Variants in SCAF4 observed in about 807,000 individuals in gnomAD.
The protein encoded by SCAF4 is SR-related CTD associated factor 4, also known as SR-related and CTD-associated factor 4.
SCAF4 carries 25 observed loss-of-function variants against 129.8 expected under a neutral mutation model. The observed-to-expected ratio is 0.19, with a 90% CI of 0.14 to 0.27. The LOEUF (loss-of-function observed/expected upper bound fraction) is 0.27, where lower values mean the gene tolerates loss of function less well. Ranked by LOEUF, SCAF4 falls within the 10% of genes least tolerant of loss-of-function variation. The pLI, the probability that SCAF4 is intolerant of heterozygous loss-of-function variation, is 1.00. For missense variants in SCAF4, 1,246 were observed against 1,457.1 expected (o/e 0.86, Z 2.36); for synonymous variants, 551 against 497.7 (o/e 1.11, Z -1.43).
intron 15 of SCAF4, among the ~76,000 whole-genome samples, chr21:31,689,611 T>C (rs1302412378): frequency 6.7e-6 from 1 of 150,066 alleles, no homozygotes; most frequent in Non-Finnish European, 1.5e-5. Flanking sequence ...TGCCTGGCCT[T>C]GAAGCTTCCT....
chr21:31,692,695 A>G (rs981011035), intron 12 of SCAF4, among the ~76,000 whole-genome samples: 7 of 152,232 alleles, frequency 4.6e-5, no homozygotes, highest in African/African-American at 1.4e-4. Flanking sequence ...AGATGGATCT[A>G]AAGATTACAT....
chr21:31,718,276 A>C (rs987144969), intron 1 of SCAF4, among the ~76,000 whole-genome samples: 4 of 152,032 alleles, frequency 2.6e-5, no homozygotes, highest in Non-Finnish European at 5.9e-5. Flanking sequence ...TTCATTAAAG[A>C]AAGTGTCCCT....
Position 31,671,135 on chromosome 21 carries a change from C to G in SCAF4, c.*264G>C. ...AAAAAAAAAAAAAAAATAGAGAGCA[C>G]TTCTAATTACGATTTGTAAACTTTT... On this transcript the variant is annotated 3_prime_UTR_variant, in exon 20 of 20. Coordinates refer to ENST00000286835, the MANE Select transcript of SCAF4 (RefSeq NM_020706.2). 1 of 315,300 alleles carries G rather than the reference C, an allele frequency of 3.2e-6. No homozygotes were observed. Among genetic ancestry groups the G allele is most frequent in the Non-Finnish European group, 5.7e-6 (1 of 175,404 alleles). 19.5% of individuals were successfully genotyped at this position (315,300 alleles called of 1,614,324 possible). A position where few individuals can be genotyped will look rare whatever the true frequency, so the allele number is the denominator to read the frequency against.
At chr21:31,685,373 AAC>A in intron 18 of SCAF4, 23 bp downstream of exon 18, 1 of 1,589,990 alleles carries the variant, frequency 6.3e-7, no homozygotes, top group Non-Finnish European at 8.6e-7. Context: ...AGGATAAGCA[AAC>A]ACAAAGAAAA....
intron 16 of SCAF4, among the ~76,000 whole-genome samples, chr21:31,686,537 GAGTTAA>G (rs2050130144): frequency 2.6e-5 from 4 of 151,960 alleles, no homozygotes; most frequent in Non-Finnish European, 5.9e-5. Flanking sequence ...CAGATTAAAT[GAGTTAA>G]TACATACTAA....
intron 16 of SCAF4, among the ~76,000 whole-genome samples, chr21:31,687,404 C>T (rs1196548083): frequency 6.6e-6 from 1 of 151,998 alleles, no homozygotes; most frequent in Admixed American, 6.6e-5. Context: ...AAATAGGAAA[C>T]TGAAGCTTAT....
intron 7 of SCAF4, among the ~76,000 whole-genome samples, chr21:31,698,257 T>C (rs1214911066): frequency 3.9e-5 from 6 of 152,218 alleles, no homozygotes; most frequent in African/African-American, 1.4e-4. Flanking sequence ...AGACAAATTA[T>C]TTCCAGTGAG....
In SCAF4 at chr21:31,717,944, CACATAT is replaced by C. The variant is rs1338698300; in HGVS notation, c.31-11593_31-11588del. On this transcript the variant is annotated intron_variant, in intron 1 of 19. Transcript: ENST00000286835. Reference sequence around the variant, plus strand: ...ACACACACACACACACACACACACACACATATATATTTTTTTGAGATGGAGTTTCAC... The same window carrying C: ...ACACACACACACACACACACACACACATATTTTTTTGAGATGGAGTTTCAC... Among the ~76,000 whole-genome samples the C allele has an allele frequency of 1.0e-3, 125 of 125,288 alleles. 2 individuals are homozygous for C. The highest frequency in any genetic ancestry group is 8.3e-3 in the Middle Eastern group (2 of 240). The allele number at this position is 125,288 out of a possible 152,430, so 82.2% of individuals were successfully genotyped here. A position where few individuals can be genotyped will look rare whatever the true frequency, so the allele number is the denominator to read the frequency against.
chr21:31,674,936 G>A (rs1046928845), intron 19 of SCAF4, among the ~76,000 whole-genome samples: 2 of 152,196 alleles, frequency 1.3e-5, no homozygotes, highest in Non-Finnish European at 2.9e-5. Context: ...AGCTAGCATG[G>A]TGGTATAGAG....
At chr21:31,696,980 G>T (rs1329868636) in intron 7 of SCAF4, among the ~76,000 whole-genome samples, 3 of 152,078 alleles carry the variant, frequency 2.0e-5, no homozygotes, top group African/African-American at 7.2e-5. Context: ...TTCCTCAATT[G>T]TAAGTACAGT....
intron 1 of SCAF4, among the ~76,000 whole-genome samples, chr21:31,708,928 G>A (rs905555940): frequency 2.6e-5 from 4 of 152,206 alleles, no homozygotes; most frequent in African/African-American, 9.7e-5. Flanking sequence ...GAATCTAAAT[G>A]TATATCCAAG....
intron 1 of SCAF4, among the ~76,000 whole-genome samples, chr21:31,713,220 TGTG>T (rs963734175): frequency 6.6e-6 from 1 of 152,230 alleles, no homozygotes; most frequent in African/African-American, 2.4e-5. Context: ...TATATAATGT[TGTG>T]GTGATCTAAG....
At chr21:31,704,413 C>G (rs1240534259) in intron 3 of SCAF4, among the ~76,000 whole-genome samples, 2 of 151,756 alleles carry the variant, frequency 1.3e-5, no homozygotes, top group African/African-American at 2.4e-5. Flanking sequence ...AGCAGAGAAA[C>G]AGACACCTAT....
chr21:31,724,527 T>A (rs190785245), intron 1 of SCAF4, among the ~76,000 whole-genome samples: 1 of 152,366 alleles, frequency 6.6e-6, no homozygotes, highest in East Asian at 1.9e-4. Flanking sequence ...ACAAATGTTA[T>A]GAATAACACT....
In SCAF4 at chr21:31,696,635, G is replaced by T; in HGVS notation, c.893C>A (p.Pro298His). The change falls in exon 8 of 20, where the codon CCC becomes CAC. Residue 298 changes from proline to histidine, a missense_variant. Pro to His is a moderately conservative substitution (Grantham distance 77). Transcript: ENST00000286835. ...AGCAGCAGCAGGCACGGTGGCGGTGGGTGCAGGGGGTACTGCGGCAGCAGG... is the reference window on the plus strand; with the variant it reads ...AGCAGCAGCAGGCACGGTGGCGGTGTGTGCAGGGGGTACTGCGGCAGCAGG... ...TAPAAAVPPAPTATVPAAAAP... is the reference protein window; with the variant it reads ...TAPAAAVPPAHTATVPAAAAP... The T allele has an allele frequency of 6.2e-7, 1 of 1,613,422 alleles. No individual in the cohort carries two copies.
intron 7 of SCAF4, among the ~76,000 whole-genome samples, chr21:31,698,868 C>A (rs2050451275): frequency 6.6e-6 from 1 of 152,206 alleles, no homozygotes; most frequent in Non-Finnish European, 1.5e-5. Context: ...CTAGTCCCTA[C>A]AACTGCGTGA....
At chr21:31,699,502 GT>G (rs202121304) in intron 7 of SCAF4, among the ~76,000 whole-genome samples, 2,888 of 133,924 alleles carry the variant, frequency 0.022, 81 homozygotes, top group East Asian at 0.16. Flanking sequence ...TGTATTATTT[GT>G]TTTTTTTTTT....
chr21:31,679,356 C>T (rs1462140747), intron 19 of SCAF4, among the ~76,000 whole-genome samples: 1 of 151,840 alleles, frequency 6.6e-6, no homozygotes, highest in Admixed American at 6.6e-5. Context: ...TTTTAATCAG[C>T]AAGTATTATC....
At chr21:31,730,094 T>C (rs1411897008) in intron 1 of SCAF4, among the ~76,000 whole-genome samples, 2 of 152,248 alleles carry the variant, frequency 1.3e-5, no homozygotes, top group African/African-American at 4.8e-5. Context: ...TGTTGTGCCA[T>C]TTGTTTAAAT....
Sources: allele counts gnomAD v4.1 joint callset (sites outside exome capture counted in the v4.1 genomes callset), GRCh38; gene constraint gnomAD v4.1.1; transcripts MANE v1.5; gene names NCBI Gene and HGNC (gene_info 2026-07-23, HGNC 2026-07-21).